ITGAX: variants seen among roughly 807,000 people sequenced by gnomAD.
The protein encoded by ITGAX is integrin alpha-X.
A neutral mutation model predicts 140.2 loss-of-function variants in ITGAX; 99 were observed. The ratio of observed to expected loss-of-function variants is 0.71; its 90% CI spans 0.60 to 0.83. ITGAX has a LOEUF of 0.83. Among genes scored for constraint, ITGAX ranks in the 40% least tolerant of loss-of-function variants. The pLI, the probability that ITGAX is intolerant of heterozygous loss-of-function variation, is 0.00. For missense variants in ITGAX, 1,444 were observed against 1,482.0 expected, an observed-to-expected ratio of 0.97 and a Z score of 0.42; for synonymous variants, 631 against 600.4, an observed-to-expected ratio of 1.05 and a Z score of -0.75.
rs1419955567 is a variant in ITGAX at position 31,362,982 on chromosome 16, C to T, written c.1407C>T (p.Ser469=). 10 of 1,611,872 alleles carry T rather than the reference C, an allele frequency of 6.2e-6. No homozygotes were observed. The highest frequency in any genetic ancestry group is 2.2e-5 in the East Asian group (1 of 44,860). Residue 469 remains serine, a synonymous_variant, in exon 13 of 30, where the codon AGC becomes AGT. Coordinates refer to ENST00000268296, the MANE Select transcript of ITGAX (RefSeq NM_000887.5). ...GASLCSVDVD[S]DGSTDLVLIG... is the part of the protein sequence containing the mutation. ...CCCTCTGCTCCGTGGACGTAGACAG[C>T]GACGGCAGCACCGACCTGGTCCTCA...
At chr16:31,360,717 TG>T in intron 8 of ITGAX, 1 of 526,766 alleles carries the variant, frequency 1.9e-6, no homozygotes, top group East Asian at 3.4e-5. Context: ...GGTCTTGCTA[TG>T]TTGCCCAGGC....
In ITGAX at chr16:31,356,640, C is replaced by T. The variant is rs1227250171; in HGVS notation, c.159C>T (p.Ala53=). 5.0e-6 allele frequency: 8 copies of T among 1,598,832 alleles called. No homozygotes were observed. The Admixed American group carries it at 1.1e-4, about 21-fold the overall frequency. ...QYANSWVVVG[A]PQKITAANQT... The stretch of plus-strand genomic sequence containing the variant: ...CTCCTCGCAGGGTGGTGGTTGGAGC[C>T]CCCCAAAAGATAACAGCTGCCAACC... The change falls in exon 3 of 30, where the codon GCC becomes GCT. Residue 53 remains alanine, a synonymous_variant. Coordinates refer to ENST00000268296, the MANE Select transcript of ITGAX (RefSeq NM_000887.5).
intron 14 of ITGAX, among the ~76,000 whole-genome samples, chr16:31,364,810 C>T (rs554093224): frequency 4.9e-4 from 74 of 150,178 alleles, no homozygotes; most frequent in African/African-American, 1.8e-3. Flanking sequence ...GAGTTTGAGA[C>T]TAGCCTGGCC....
chr16:31,380,890 A>G lies in ITGAX; in HGVS notation c.3277-7A>G. On this transcript the variant is annotated splice_region_variant and splice_polypyrimidine_tract_variant and intron_variant, in intron 28 of 29. Transcript: ENST00000268296. ...GGAGTGCTCTGACAGGGTCACTTCC[A>G]CTTCAGACGACAACGGTGCTGGAGA... is the stretch of plus-strand genomic sequence containing the variant. 2.5e-6 allele frequency: 4 copies of G among 1,612,990 alleles called. No individual in the cohort carries two copies. The highest frequency in any genetic ancestry group is 3.4e-6 in the Non-Finnish European group (4 of 1,179,066).
Position 31,376,879 on chromosome 16 carries a change from C to T in ITGAX, c.2589C>T (p.Cys863=), listed in dbSNP as rs778053439. The change falls in exon 21 of 30, where the codon TGC becomes TGT. Residue 863 remains cysteine, a synonymous_variant. Coordinates refer to ENST00000268296, the MANE Select transcript of ITGAX (RefSeq NM_000887.5). ...VGSQGTWSTS[C]RINHLIFRGG... The stretch of plus-strand genomic sequence containing the variant: ...GCCAGGGCACCTGGAGCACCAGCTG[C>T]AGAATCAACCACCTCATCTTCCGTG... The T allele has an allele frequency of 6.2e-7, 1 of 1,614,232 alleles. No individual in the cohort carries two copies. The highest frequency in any genetic ancestry group is 8.5e-7 in the Non-Finnish European group (1 of 1,180,040).
chr16:31,372,569 G>A (rs2080979688), intron 18 of ITGAX, 28 bp from the exon 19 acceptor site: 2 of 1,613,968 alleles, frequency 1.2e-6, no homozygotes, highest in South Asian at 1.1e-5. Flanking sequence ...GGGTCTCGGA[G>A]AAAACCCCCC....
At chr16:31,372,243 T>C (rs761896732) in intron 17 of ITGAX, 135 bp from the exon 18 acceptor site, 23 of 984,118 alleles carry the variant, frequency 2.3e-5, no homozygotes, top group Non-Finnish European at 3.1e-5. Flanking sequence ...CTGAAGGCGG[T>C]GACGCTGAGC....
intron 20 of ITGAX, among the ~76,000 whole-genome samples, chr16:31,374,614 A>AT (rs904666616): frequency 1.4e-4 from 21 of 151,866 alleles, no homozygotes; most frequent in Admixed American, 1.2e-3. Context: ...TAATTTTTTA[A>AT]TTTTTTTTGT....
intron 19 of ITGAX, 41 bp downstream of exon 19, chr16:31,372,711 T>G: frequency 6.3e-7 from 1 of 1,575,148 alleles, no homozygotes; most frequent in East Asian, 2.3e-5. Context: ...TGCCCCAGCC[T>G]CCTTCCTGGA....
Position 31,382,263 on chromosome 16 carries a change from TGAGA to T in ITGAX, c.*357_*360del. 1 of 936,572 alleles carries T rather than the reference TGAGA, an allele frequency of 1.1e-6. No homozygotes were observed. Among genetic ancestry groups the T allele is most frequent in the South Asian group, 4.4e-5 (1 of 22,746 alleles). 58.0% of individuals were successfully genotyped at this position (936,572 alleles called of 1,614,324 possible). A position where few individuals can be genotyped will look rare whatever the true frequency, so the allele number is the denominator to read the frequency against. ...TTTTTTCTTTTCTTTTTTTTTTTTTTGAGACGGAGTCTCGCTCTGTCACCCAGGC... is the reference window on the plus strand; with the variant it reads ...TTTTTTCTTTTCTTTTTTTTTTTTTTCGGAGTCTCGCTCTGTCACCCAGGC... On this transcript the variant is annotated 3_prime_UTR_variant, in exon 30 of 30. Transcript: ENST00000268296.
Position 31,363,192 on chromosome 16 carries a change from C to A in ITGAX, c.1528C>A (p.Leu510Ile). The A allele has an allele frequency of 6.2e-7, 1 of 1,611,588 alleles. No individual in the cohort carries two copies. ...GAGAAGGTGGTGGTGTGATGCTGTTCTCTACGGGGAGCAGGGCCACCCCTG... is the reference window on the plus strand; with the variant it reads ...GAGAAGGTGGTGGTGTGATGCTGTTATCTACGGGGAGCAGGGCCACCCCTG... Reference protein sequence around the residue: ...GWRRWWCDAVLYGEQGHPWGR... With the variant: ...GWRRWWCDAVIYGEQGHPWGR... The change falls in exon 14 of 30, where the codon CTC (leucine) becomes ATC (isoleucine). Residue 510 changes from leucine (L) to isoleucine (I), a missense_variant. Physicochemically the swap from Leu to Ile is conservative, Grantham distance 5. Coordinates refer to ENST00000268296, the MANE Select transcript of ITGAX (RefSeq NM_000887.5).
At position 31,372,499 on chromosome 16, in the gene ITGAX, T is replaced by C. The variant is rs769324296; in HGVS notation, c.2282T>C (p.Phe761Ser). The change falls in exon 18 of 30, where the codon TTC (phenylalanine) becomes TCC (serine). Residue 761 changes from phenylalanine to serine, a missense_variant. By Grantham distance (155) the Phe-to-Ser change is radical. Transcript: ENST00000268296. The stretch of plus-strand genomic sequence containing the variant: ...CTGGCCGCCGATGCTCAGAGATACT[T>C]CACGGCCTCCGTGAGTCCTGGCACT... ...PMLAADAQRY[F>S]TASLPFEKNC... is the part of the protein sequence containing the mutation. 6.2e-7 allele frequency: 1 copy of C among 1,609,452 alleles called. No homozygotes were observed. The highest frequency in any genetic ancestry group is 1.7e-5 in the Admixed American group (1 of 57,868).
At chr16:31,358,796 T>C (rs1432945113) in intron 5 of ITGAX, among the ~76,000 whole-genome samples, 4 of 149,628 alleles carry the variant, frequency 2.7e-5, no homozygotes, top group African/African-American at 9.8e-5. Flanking sequence ...ACCGTCTGAA[T>C]TGGAGAAATC....
At chr16:31,356,792 G>A (rs758577391) in intron 3 of ITGAX, 64 bp downstream of exon 3, 17 of 1,210,878 alleles carry the variant, frequency 1.4e-5, no homozygotes, top group East Asian at 5.1e-5. Flanking sequence ...CCAGGGGCCC[G>A]TGGACTCACC....
At chr16:31,360,954 C>T (rs2080818073) in intron 8 of ITGAX, 109 bp from the exon 9 acceptor site, 2 of 1,059,064 alleles carry the variant, frequency 1.9e-6, no homozygotes, top group Non-Finnish European at 2.8e-6. Flanking sequence ...CCTGTGTCCA[C>T]CGGGTGTGAT....
chr16:31,359,706 C>T lies in ITGAX; in HGVS notation c.437C>T (p.Pro146Leu). 6.2e-7 allele frequency: 1 copy of T among 1,614,060 alleles called. No homozygotes were observed. Among genetic ancestry groups the T allele is most frequent in the South Asian group, 1.1e-5 (1 of 91,082 alleles). ...GTGCCACCTCCTTCCCCAGAGTGCCCAAGACAGGAGCAGGACATTGTGTTC... is the reference window on the plus strand; with the variant it reads ...GTGCCACCTCCTTCCCCAGAGTGCCTAAGACAGGAGCAGGACATTGTGTTC... ...QRLPVSRQEC[P>L]RQEQDIVFLI... The change falls in exon 6 of 30, where the codon CCA becomes CTA. Residue 146 changes from proline (P) to leucine (L), a missense_variant. Pro to Leu is a moderately conservative substitution (Grantham distance 98). Coordinates refer to ENST00000268296, the MANE Select transcript of ITGAX (RefSeq NM_000887.5).
At position 31,382,570 on chromosome 16, in the gene ITGAX, C is replaced by T. The variant is rs1362985553; in HGVS notation, c.*663C>T. 1.3e-6 allele frequency: 1 copy of T among 793,856 alleles called. No individual in the cohort carries two copies. Among genetic ancestry groups the T allele is most frequent in the African/African-American group, 1.7e-5 (1 of 58,978 alleles). 49.2% of individuals were successfully genotyped at this position (793,856 alleles called of 1,614,324 possible). A position where few individuals can be genotyped will look rare whatever the true frequency, so the allele number is the denominator to read the frequency against. On this transcript the variant is annotated 3_prime_UTR_variant, in exon 30 of 30. Transcript: ENST00000268296. ...TTCAGGGCGCACAGCATGAGAGGCTCTGTGCCCCCATCACCCTCGTTTCCA... is the reference window on the plus strand; with the variant it reads ...TTCAGGGCGCACAGCATGAGAGGCTTTGTGCCCCCATCACCCTCGTTTCCA...
chr16:31,362,042 C>G (rs202053012), intron 10 of ITGAX, 33 bp from the exon 11 acceptor site: 2 of 1,613,974 alleles, frequency 1.2e-6, no homozygotes, highest in African/African-American at 2.7e-5. Flanking sequence ...CCTGCTCCGG[C>G]CTCTGCTCAG....
At chr16:31,356,879 C>A in intron 3 of ITGAX, 151 bp downstream of exon 3, 2 of 811,102 alleles carry the variant, frequency 2.5e-6, no homozygotes, top group Non-Finnish European at 3.9e-6. Context: ...AAGGCCTCCC[C>A]GCCCATCGCA....
Sources: gnomAD v4.1 joint callset for allele counts (sites outside exome capture counted in the v4.1 genomes callset) on GRCh38, gnomAD v4.1.1 for gene constraint, MANE v1.5 for transcripts, NCBI Gene and HGNC (gene_info 2026-07-23, HGNC 2026-07-21) for gene names.